MSRB3: variants seen among roughly 807,000 people sequenced by gnomAD.
MSRB3 encodes the protein methionine-R-sulfoxide reductase B3.
MSRB3 carries 13 observed loss-of-function variants against 21.0 expected under a neutral mutation model. The ratio of observed to expected loss-of-function variants is 0.62; its 90% CI spans 0.40 to 0.98. The LOEUF (loss-of-function observed/expected upper bound fraction) is 0.98, where lower values mean the gene tolerates loss of function less well. MSRB3 is among the 50% of genes least tolerant of loss of function. MSRB3 has a pLI of 0.00. For missense variants in MSRB3, 199 were observed against 230.3 expected, an observed-to-expected ratio of 0.86 and a Z score of 0.88; for synonymous variants, 87 against 88.6, an observed-to-expected ratio of 0.98 and a Z score of 0.10.
intron 5 of MSRB3, among the ~76,000 whole-genome samples, chr12:65,398,520 T>C (rs1879940884): frequency 6.6e-6 from 1 of 152,202 alleles, no homozygotes; most frequent in Non-Finnish European, 1.5e-5. Flanking sequence ...ATTTGTCAGA[T>C]GGATAGATGG....
chr12:65,361,467 C>T (rs187192030), intron 4 of MSRB3, among the ~76,000 whole-genome samples: 186 of 152,232 alleles, frequency 1.2e-3, no homozygotes, highest in African/African-American at 4.2e-3. Context: ...CCTCTGATGC[C>T]TACACAGAGC....
At chr12:65,404,959 CT>C (rs762041398) in intron 5 of MSRB3, among the ~76,000 whole-genome samples, 1,597 of 142,172 alleles carry the variant, frequency 0.011, 10 homozygotes, top group African/African-American at 0.019. Flanking sequence ...TTCTACTCAA[CT>C]TTTTTTTTTT....
At chr12:65,420,165 T>A (rs1881212532) in intron 5 of MSRB3, 1 of 292,598 alleles carries the variant, frequency 3.4e-6, no homozygotes, top group Non-Finnish European at 6.6e-6. Flanking sequence ...GAGAATATCC[T>A]TTCCTCATTG....
intron 4 of MSRB3, among the ~76,000 whole-genome samples, chr12:65,335,644 C>T (rs1334894184): frequency 6.6e-6 from 1 of 152,062 alleles, no homozygotes; most frequent in Non-Finnish European, 1.5e-5. Flanking sequence ...GATGTAAGAG[C>T]ACAGTGAGAA....
At chr12:65,394,838 C>A (rs1879689122) in intron 5 of MSRB3, among the ~76,000 whole-genome samples, 1 of 152,102 alleles carries the variant, frequency 6.6e-6, no homozygotes, top group African/African-American at 2.4e-5. Context: ...TCAGTAGACA[C>A]AGAAAAAGTA....
At chr12:65,369,376 CA>C (rs1878195209) in intron 5 of MSRB3, among the ~76,000 whole-genome samples, 1 of 152,012 alleles carries the variant, frequency 6.6e-6, no homozygotes, top group Admixed American at 6.5e-5. Context: ...AGGTTGTCAC[CA>C]AATGTGGGAG....
At chr12:65,328,187 G>T (rs1875177535) in intron 3 of MSRB3, among the ~76,000 whole-genome samples, 1 of 151,656 alleles carries the variant, frequency 6.6e-6, no homozygotes. Flanking sequence ...ATATACTCTT[G>T]CACACTGTAA....
At chr12:65,457,368 C>T (rs923209269) in intron 6 of MSRB3, among the ~76,000 whole-genome samples, 1 of 152,138 alleles carries the variant, frequency 6.6e-6, no homozygotes, top group African/African-American at 2.4e-5. Flanking sequence ...TATCCCTCCC[C>T]TAGCCCCCAA....
rs1883429355 is a variant in MSRB3 at position 65,463,575 on chromosome 12, T to G, written c.*253T>G. The G allele has an allele frequency of 2.2e-6, 1 of 461,132 alleles. No homozygotes were observed. Among genetic ancestry groups the G allele is most frequent in the Admixed American group, 3.7e-5 (1 of 26,798 alleles). 28.6% of individuals were successfully genotyped at this position (461,132 alleles called of 1,614,324 possible). ...ACTTCTTCACAAGCCACTTATACCC[T>G]TTGGCATTCTTTTCTTTGAGCACAT... On this transcript the variant is annotated 3_prime_UTR_variant, in exon 7 of 7. Coordinates refer to ENST00000308259, the MANE Select transcript of MSRB3 (RefSeq NM_001031679.3).
At chr12:65,382,755 GTTTTA>G (rs1040636626) in intron 5 of MSRB3, among the ~76,000 whole-genome samples, 1 of 151,384 alleles carries the variant, frequency 6.6e-6, no homozygotes, top group African/African-American at 2.4e-5. Context: ...TAGCTATATG[GTTTTA>G]TTTTTTCAGG....
intron 5 of MSRB3, among the ~76,000 whole-genome samples, chr12:65,369,337 G>A (rs1878192582): frequency 6.6e-6 from 1 of 152,130 alleles, no homozygotes; most frequent in South Asian, 2.1e-4. Flanking sequence ...AGTGGACAAA[G>A]CATCCTGAGT....
chr12:65,315,661 C>G (rs1289953446), intron 2 of MSRB3, among the ~76,000 whole-genome samples: 1 of 108,048 alleles, frequency 9.3e-6, no homozygotes, highest in Admixed American at 1.2e-4. Context: ...GGGTGAGACT[C>G]TGTCTCCATC....
intron 4 of MSRB3, among the ~76,000 whole-genome samples, chr12:65,350,103 G>T (rs890102134): frequency 6.6e-6 from 1 of 151,828 alleles, no homozygotes; most frequent in African/African-American, 2.4e-5. Context: ...GTAAGGAAGG[G>T]ATCCAGTTTC....
chr12:65,458,808 A>C (rs933983790), intron 6 of MSRB3, among the ~76,000 whole-genome samples: 1 of 152,226 alleles, frequency 6.6e-6, no homozygotes, highest in Non-Finnish European at 1.5e-5. Context: ...TTCAGCTATA[A>C]AGAATTTTCC....
intron 1 of MSRB3, among the ~76,000 whole-genome samples, chr12:65,303,964 G>A (rs1305538920): frequency 1.3e-5 from 2 of 152,106 alleles, no homozygotes; most frequent in Non-Finnish European, 1.5e-5. Context: ...GGGTTGTAGA[G>A]GTATGGCAAG....
chr12:65,305,882 T>C (rs1441726549), intron 1 of MSRB3, among the ~76,000 whole-genome samples: 1 of 152,226 alleles, frequency 6.6e-6, no homozygotes, highest in Non-Finnish European at 1.5e-5. Context: ...ATAAATGTAC[T>C]GTTACAATTT....
intron 4 of MSRB3, among the ~76,000 whole-genome samples, chr12:65,358,895 C>G (rs1039209246): frequency 1.3e-5 from 2 of 151,882 alleles, no homozygotes; most frequent in Non-Finnish European, 2.9e-5. Flanking sequence ...ATGATTTTAT[C>G]TCTTAGCATT....
chr12:65,417,907 C>A (rs561038618), intron 5 of MSRB3, among the ~76,000 whole-genome samples: 1 of 152,144 alleles, frequency 6.6e-6, no homozygotes, highest in Non-Finnish European at 1.5e-5. Context: ...GGTTGATTCC[C>A]ACATCTTAGT....
chr12:65,421,999 C>T lies in MSRB3; in HGVS notation c.293-31729C>T, dbSNP rs553794853. ...TTCAAGAGACCCATCTAACATGCAA[C>T]GACATGCATAGGCTCAAAATAAAGG... On this transcript the variant is annotated intron_variant, in intron 5 of 6. Transcript: ENST00000308259. Among the ~76,000 whole-genome samples, 19 of 152,078 alleles carry T rather than the reference C, an allele frequency of 1.2e-4. No homozygotes were observed. In the South Asian group the frequency reaches 1.9e-3, roughly 15 times the overall value.
Sources: allele counts gnomAD v4.1 joint callset (sites outside exome capture counted in the v4.1 genomes callset), GRCh38; gene constraint gnomAD v4.1.1; transcripts MANE v1.5; gene names NCBI Gene and HGNC (gene_info 2026-07-23, HGNC 2026-07-21).